SIRT5: variants seen among roughly 807,000 people sequenced by gnomAD.
SIRT5 encodes the protein NAD-dependent protein deacylase sirtuin-5, mitochondrial.
SIRT5 carries 26 observed loss-of-function variants against 40.0 expected under a neutral mutation model. That is an observed-to-expected ratio of 0.65 (90% confidence interval 0.48 to 0.90). SIRT5 has a LOEUF of 0.90. Among genes scored for constraint, SIRT5 ranks in the 40% least tolerant of loss-of-function variants. The pLI is 0.00. For missense variants in SIRT5, 401 were observed against 402.4 expected, an observed-to-expected ratio of 1.00 and a Z score of 0.03; for synonymous variants, 146 against 149.1, an observed-to-expected ratio of 0.98 and a Z score of 0.15.
At chr6:13,581,288 C>A (rs1759313661) in intron 2 of SIRT5, among the ~76,000 whole-genome samples, 1 of 152,218 alleles carries the variant, frequency 6.6e-6, no homozygotes, top group Admixed American at 6.5e-5. Context: ...ACAGTTTCTC[C>A]AGTTCTTATC....
rs1759078815 is a variant in SIRT5 at position 13,579,674 on chromosome 6, A to C, written c.-36+65A>C. Reference sequence around the variant, plus strand: ...TGCAGCATATAAGAAGCTTTTAGTTACTGTTAGGCAGTATTCAGAGTTTTG... The same window carrying C: ...TGCAGCATATAAGAAGCTTTTAGTTCCTGTTAGGCAGTATTCAGAGTTTTG... On this transcript the variant is annotated intron_variant, in intron 2 of 9. Coordinates refer to ENST00000606117, the MANE Select transcript of SIRT5 (RefSeq NM_012241.5). 3.3e-5 allele frequency: 5 copies of C among 152,364 alleles called. No individual in the cohort carries two copies. The South Asian group carries it at 1.0e-3, about 32-fold the overall frequency. 9.4% of individuals were successfully genotyped at this position (152,364 alleles called of 1,614,324 possible).
chr6:13,612,601 A>G lies in SIRT5; in HGVS notation c.*736A>G, dbSNP rs1408445829. 3 of 152,140 alleles carry G rather than the reference A, an allele frequency of 2.0e-5. No individual in the cohort carries two copies. Among genetic ancestry groups the G allele is most frequent in the Non-Finnish European group, 4.4e-5 (3 of 68,098 alleles). The allele number at this position is 152,140 out of a possible 1,614,324, so 9.4% of individuals were successfully genotyped here. Reference sequence around the variant, plus strand: ...GTGATCTGCCCGCCTCGGCCTCCCAAAGTGCTGAGATTACGGGCATGAGCC... The same window carrying G: ...GTGATCTGCCCGCCTCGGCCTCCCAGAGTGCTGAGATTACGGGCATGAGCC... On this transcript the variant is annotated 3_prime_UTR_variant, in exon 10 of 10. Coordinates refer to ENST00000606117, the MANE Select transcript of SIRT5 (RefSeq NM_012241.5).
At chr6:13,576,713 C>A (rs1233013300) in intron 1 of SIRT5, among the ~76,000 whole-genome samples, 1 of 152,072 alleles carries the variant, frequency 6.6e-6, no homozygotes, top group African/African-American at 2.4e-5. Flanking sequence ...GGGTCCTATC[C>A]AAGAAATCAT....
At chr6:13,577,994 A>T (rs574172448) in intron 1 of SIRT5, among the ~76,000 whole-genome samples, 49 of 152,208 alleles carry the variant, frequency 3.2e-4, no homozygotes, top group African/African-American at 1.2e-3. Context: ...TTCTATACTT[A>T]TTGAGAGTTT....
intron 4 of SIRT5, 113 bp downstream of exon 4, chr6:13,588,577 C>A: frequency 7.8e-7 from 1 of 1,276,904 alleles, no homozygotes; most frequent in Non-Finnish European, 1.1e-6. Context: ...TTTAAGTGAA[C>A]TGTGACCCTA....
chr6:13,576,441 A>G (rs1480731605), intron 1 of SIRT5, among the ~76,000 whole-genome samples: 1 of 152,168 alleles, frequency 6.6e-6, no homozygotes, highest in Non-Finnish European at 1.5e-5. Context: ...TTGACCATTC[A>G]TATGTCTTCT....
intron 3 of SIRT5, among the ~76,000 whole-genome samples, chr6:13,584,541 G>A (rs1759802298): frequency 6.6e-6 from 1 of 152,000 alleles, no homozygotes; most frequent in African/African-American, 2.4e-5. Flanking sequence ...AATAGAGATG[G>A]GGTTTCGCCA....
intron 9 of SIRT5, chr6:13,604,662 G>A: frequency 7.1e-7 from 1 of 1,412,278 alleles, no homozygotes; most frequent in South Asian, 1.6e-5. Flanking sequence ...AGCATCCCTT[G>A]GATATGGTGG....
intron 2 of SIRT5, among the ~76,000 whole-genome samples, chr6:13,580,676 C>T (rs1474439624): frequency 1.3e-5 from 2 of 152,070 alleles, no homozygotes; most frequent in Non-Finnish European, 2.9e-5. Flanking sequence ...CTGCTCTGGC[C>T]TTCTCTCCTT....
intron 5 of SIRT5, among the ~76,000 whole-genome samples, chr6:13,592,297 A>G (rs1396339931): frequency 6.6e-6 from 1 of 152,164 alleles, no homozygotes; most frequent in East Asian, 1.9e-4. Context: ...GCTGGGGTGC[A>G]CAGCTGCGTG....
At chr6:13,600,499 A>G (rs775791270) in intron 8 of SIRT5, among the ~76,000 whole-genome samples, 3 of 152,242 alleles carry the variant, frequency 2.0e-5, no homozygotes, top group Non-Finnish European at 4.4e-5. Context: ...AAGATAGAAA[A>G]TATGTTTTAA....
chr6:13,579,337 G>A (rs947274971), intron 1 of SIRT5, 114 bp from the exon 2 acceptor site: 2 of 152,106 alleles, frequency 1.3e-5, no homozygotes, highest in Non-Finnish European at 2.9e-5. Flanking sequence ...AATAATTCCA[G>A]GTGACATTGT....
At chr6:13,608,446 C>T (rs1290660187) in intron 9 of SIRT5, among the ~76,000 whole-genome samples, 2 of 152,024 alleles carry the variant, frequency 1.3e-5, no homozygotes, top group African/African-American at 4.8e-5. Context: ...ACTAGCCAGG[C>T]GTGGTGGTCC....
At chr6:13,574,278 T>C (rs2127591707), upstream of SIRT5, among the ~76,000 whole-genome samples, 1 of 151,754 alleles carries the variant, frequency 6.6e-6, no homozygotes, top group African/African-American at 2.4e-5. Flanking sequence ...CACGGCCTCC[T>C]CTCCAGCCGG....
At chr6:13,584,052 T>C in intron 2 of SIRT5, 24 bp from the exon 3 acceptor site, 2 of 1,137,060 alleles carry the variant, frequency 1.8e-6, no homozygotes, top group Non-Finnish European at 2.7e-6. Flanking sequence ...TTCTACACTA[T>C]TTGTTTTTGT....
In SIRT5 at chr6:13,615,127, T is replaced by G. The variant is rs1485618611; in HGVS notation, c.*3262T>G. ...TGAAATCAACCCCATTGCCAGCCGC[T>G]TTCGCCGGCAGAGCATTTTCCGTGG... On this transcript the variant is annotated 3_prime_UTR_variant, in exon 10 of 10. Transcript: ENST00000606117. 1 of 495,806 alleles carries G rather than the reference T, an allele frequency of 2.0e-6. No homozygotes were observed. The highest frequency in any genetic ancestry group is 2.0e-5 in the African/African-American group (1 of 49,242). The allele number at this position is 495,806 out of a possible 1,614,324, so 30.7% of individuals were successfully genotyped here.
chr6:13,604,741 T>C, intron 9 of SIRT5: 1 of 1,322,910 alleles, frequency 7.6e-7, no homozygotes, highest in Non-Finnish European at 9.6e-7. Flanking sequence ...ATTCTTGGCA[T>C]GTAATATATA....
chr6:13,596,285 AG>A (rs1761559024), intron 6 of SIRT5, among the ~76,000 whole-genome samples: 1 of 152,182 alleles, frequency 6.6e-6, no homozygotes, highest in African/African-American at 2.4e-5. Context: ...AAAAAATTTG[AG>A]GGTAGACACA....
rs1762295004 is a variant in SIRT5 at position 13,600,951 on chromosome 6, T to C, written c.857+2T>C. 6.2e-7 allele frequency: 1 copy of C among 1,609,416 alleles called. No individual in the cohort carries two copies. Among genetic ancestry groups the C allele is most frequent in the African/African-American group, 1.3e-5 (1 of 74,800 alleles). ...CACCCCAGCTACGAACAGATTCAGG[T>C]ACTGGGATACCCTGATGGGAGAGGG... is the stretch of plus-strand genomic sequence containing the variant. On this transcript the variant is annotated splice_donor_variant, in intron 9 of 9. Transcript: ENST00000606117. LOFTEE classifies it high-confidence loss of function.
Sources: gnomAD v4.1 joint callset for allele counts (sites outside exome capture counted in the v4.1 genomes callset) on GRCh38, gnomAD v4.1.1 for gene constraint, MANE v1.5 for transcripts, NCBI Gene and HGNC (gene_info 2026-07-23, HGNC 2026-07-21) for gene names.